RUBCNL: variants seen among roughly 807,000 people sequenced by gnomAD.
RUBCNL encodes rubicon like autophagy enhancer.
In RUBCNL, 62 loss-of-function variants were observed where a neutral mutation model predicts 69.5. The ratio of observed to expected loss-of-function variants is 0.89; its 90% CI spans 0.73 to 1.10. RUBCNL has a LOEUF of 1.10. Among genes scored for constraint, RUBCNL ranks in the 50% least tolerant of loss-of-function variants. The pLI is 0.00. For synonymous variants in RUBCNL, 291 were observed against 303.6 expected (o/e 0.96, Z 0.43); for missense variants, 768 against 798.1 (o/e 0.96, Z 0.45).
At chr13:46,379,630 A>G (rs533280798) in intron 1 of RUBCNL, among the ~76,000 whole-genome samples, 16 of 152,368 alleles carry the variant, frequency 1.1e-4, no homozygotes, top group Admixed American at 3.3e-4. Flanking sequence ...CTTCCTTAGA[A>G]TAAAGGATAC....
intron 3 of RUBCNL, among the ~76,000 whole-genome samples, chr13:46,369,308 G>A (rs2048829555): frequency 6.6e-6 from 1 of 152,104 alleles, no homozygotes; most frequent in Non-Finnish European, 1.5e-5. Context: ...TCAACCTCCT[G>A]GGCTCAAGCG....
intron 3 of RUBCNL, 116 bp downstream of exon 3, chr13:46,371,824 CA>C: frequency 9.4e-7 from 1 of 1,067,514 alleles, no homozygotes; most frequent in Non-Finnish European, 1.3e-6. Context: ...GGGCTGCTGA[CA>C]ATATTAGATG....
intron 10 of RUBCNL, chr13:46,354,863 G>A (rs979429973): frequency 1.8e-5 from 8 of 456,494 alleles, no homozygotes; most frequent in African/African-American, 6.0e-5. Flanking sequence ...ACCTGAACAA[G>A]CTTAGGGAAA....
At chr13:46,351,846 T>TTTTTTTA (rs2048375952) in intron 10 of RUBCNL, among the ~76,000 whole-genome samples, 1 of 150,730 alleles carries the variant, frequency 6.6e-6, no homozygotes, top group Non-Finnish European at 1.5e-5. Flanking sequence ...TTTTTTTTTT[T>TTTTTTTA]GAGAAGGAGT....
chr13:46,339,774 A>T lies in RUBCNL; in HGVS notation c.*3611T>A, dbSNP rs528654332. 6.6e-6 allele frequency among the ~76,000 whole-genome samples: 1 copy of T among 152,242 alleles called. No homozygotes were observed. The highest frequency in any genetic ancestry group is 2.4e-5 in the African/African-American group (1 of 41,540). On this transcript the variant is annotated 3_prime_UTR_variant, in exon 15 of 15. Transcript: ENST00000429979. Reference sequence around the variant, plus strand: ...CTCGGGAGGGTGAGACAGGAAAATCACTTGAACCCAGGTGGCGGAGGTTGA... The same window carrying T: ...CTCGGGAGGGTGAGACAGGAAAATCTCTTGAACCCAGGTGGCGGAGGTTGA...
At chr13:46,376,228 T>C (rs577432976) in intron 2 of RUBCNL, among the ~76,000 whole-genome samples, 3 of 152,232 alleles carry the variant, frequency 2.0e-5, no homozygotes, top group East Asian at 3.9e-4. Context: ...GGTGTTAGTG[T>C]CCCTAACCCC....
chr13:46,349,904 G>A (rs997731947), intron 11 of RUBCNL, among the ~76,000 whole-genome samples: 2 of 151,372 alleles, frequency 1.3e-5, no homozygotes, highest in Non-Finnish European at 2.9e-5. Context: ...GGCTAGTCTC[G>A]AACTCCTGAC....
At chr13:46,379,506 G>A (rs1338391686) in intron 1 of RUBCNL, among the ~76,000 whole-genome samples, 9 of 152,102 alleles carry the variant, frequency 5.9e-5, no homozygotes, top group Admixed American at 1.3e-4. Context: ...ATTATCAAAC[G>A]ATACCTAGAT....
chr13:46,339,877 A>G lies in RUBCNL; in HGVS notation c.*3508T>C, dbSNP rs1399743995. 2.2e-5 allele frequency among the ~76,000 whole-genome samples: 3 copies of G among 136,660 alleles called. No homozygotes were observed. Among genetic ancestry groups the G allele is most frequent in the African/African-American group, 7.4e-5 (3 of 40,314 alleles). The allele number at this position is 136,660 out of a possible 152,430, so 89.7% of individuals were successfully genotyped here. A position where few individuals can be genotyped will look rare whatever the true frequency, so the allele number is the denominator to read the frequency against. ...CCATTTCAAAAAAACAAAAACAAAA[A>G]CAAAACAAAACAAAAAAACCCCAGG... is the stretch of plus-strand genomic sequence containing the variant. On this transcript the variant is annotated 3_prime_UTR_variant, in exon 15 of 15. Coordinates refer to ENST00000429979, the MANE Select transcript of RUBCNL (RefSeq NM_025113.5).
At position 46,356,432 on chromosome 13, in the gene RUBCNL, T is replaced by G. The variant is rs373058780; in HGVS notation, c.1330A>C (p.Lys444Gln). The G allele has an allele frequency of 5.6e-5, 91 of 1,613,776 alleles. No homozygotes were observed. Among genetic ancestry groups the G allele is most frequent in the Non-Finnish European group, 7.6e-5 (90 of 1,179,842 alleles). The change falls in exon 10 of 15, where the codon AAG becomes CAG. Residue 444 changes from lysine to glutamine, a missense_variant and splice_region_variant. Lys to Gln is a moderately conservative substitution (Grantham distance 53, BLOSUM62 1). Coordinates refer to ENST00000429979, the MANE Select transcript of RUBCNL (RefSeq NM_025113.5). Reference sequence around the variant, plus strand: ...CAGGCGATCCATTATCCGTACTTACTAGGCTCTACTGGAGTTCCACAGCCG... The same window carrying G: ...CAGGCGATCCATTATCCGTACTTACGAGGCTCTACTGGAGTTCCACAGCCG... ...CAGCGTPVEP[K>Q]FVKRLRYCEY...
chr13:46,358,309 G>A (rs148228685), intron 9 of RUBCNL, among the ~76,000 whole-genome samples: 41 of 152,322 alleles, frequency 2.7e-4, no homozygotes, highest in Middle Eastern at 3.4e-3. Context: ...CCTTTGTAAT[G>A]CTTGGCAGTT....
Position 46,372,168 on chromosome 13 carries a change from G to T in RUBCNL, c.308C>A (p.Thr103Lys). The change falls in exon 3 of 15, where the codon ACG becomes AAG. Residue 103 changes from threonine to lysine, a missense_variant. Physicochemically the swap from Thr to Lys is moderately conservative, Grantham distance 78. Coordinates refer to ENST00000429979, the MANE Select transcript of RUBCNL (RefSeq NM_025113.5). ...GGAGTCTGTGGTATCCTCAGACAACGTTGTCTCTGCCAGGGAGTCCCCGAG... is the reference window on the plus strand; with the variant it reads ...GGAGTCTGTGGTATCCTCAGACAACTTTGTCTCTGCCAGGGAGTCCCCGAG... The part of the protein sequence containing the change: ...SCLGDSLAET[T>K]LSEDTTDSVG... The T allele has an allele frequency of 6.2e-7, 1 of 1,614,014 alleles. No individual in the cohort carries two copies. The highest frequency in any genetic ancestry group is 8.5e-7 in the Non-Finnish European group (1 of 1,179,894).
In RUBCNL at chr13:46,334,688, GA is replaced by G. The variant is rs59928384; in HGVS notation, c.*8696del. On this transcript the variant is annotated 3_prime_UTR_variant, in exon 15 of 15. Coordinates refer to ENST00000429979, the MANE Select transcript of RUBCNL (RefSeq NM_025113.5). ...GGCAGGGGAGCTTGGAGGCCAGGGG[GA>G]AAAAAAACACTGAATTTTATACACA... Among the ~76,000 whole-genome samples the G allele has an allele frequency of 0.093, 14,016 of 151,338 alleles. 868 individuals are homozygous for G. The highest frequency in any genetic ancestry group is 0.14 in the Non-Finnish European group (9,469 of 67,782).
In RUBCNL at chr13:46,344,834, G is replaced by A. The variant is rs371216849; in HGVS notation, c.1786-3C>T. ...ATAAAGCCCTTTCCTTGACACAGCTGTAAAAGAAGACATCAAAAAGTTACA... is the reference window on the plus strand; with the variant it reads ...ATAAAGCCCTTTCCTTGACACAGCTATAAAAGAAGACATCAAAAAGTTACA... On this transcript the variant is annotated splice_polypyrimidine_tract_variant and splice_region_variant and intron_variant, in intron 13 of 14. Transcript: ENST00000429979. The A allele has an allele frequency of 4.4e-6, 7 of 1,603,152 alleles. No individual in the cohort carries two copies. Among genetic ancestry groups the A allele is most frequent in the Non-Finnish European group, 6.0e-6 (7 of 1,172,766 alleles).
At position 46,356,471 on chromosome 13, in the gene RUBCNL, T is replaced by C; in HGVS notation, c.1291A>G (p.Asn431Asp). ...LKRDLVVAAQNFFCAGCGTPV... is the reference protein window; with the variant it reads ...LKRDLVVAAQDFFCAGCGTPV... ...GTTCCACAGCCGGCACAGAAAAAAT[T>C]CTGGGCTGCCACCACAAGGTCCCTC... is the stretch of plus-strand genomic sequence containing the variant. The change falls in exon 10 of 15, where the codon AAT becomes GAT. Residue 431 changes from asparagine (N) to aspartate (D), a missense_variant. Transcript: ENST00000429979. 6.2e-7 allele frequency: 1 copy of C among 1,613,922 alleles called. No homozygotes were observed. The highest frequency in any genetic ancestry group is 8.5e-7 in the Non-Finnish European group (1 of 1,179,878).
At chr13:46,381,854 G>A (rs1287952685) in intron 1 of RUBCNL, among the ~76,000 whole-genome samples, 1 of 152,188 alleles carries the variant, frequency 6.6e-6, no homozygotes, top group African/African-American at 2.4e-5. Flanking sequence ...GCTCAGGCTA[G>A]AGTGCAGTGG....
chr13:46,377,412 C>T (rs2049018641), intron 2 of RUBCNL, among the ~76,000 whole-genome samples: 1 of 152,148 alleles, frequency 6.6e-6, no homozygotes, highest in South Asian at 2.1e-4. Context: ...TACAGGTGGG[C>T]ACCACCACGC....
At chr13:46,367,657 TC>T (rs1462387133) in intron 5 of RUBCNL, among the ~76,000 whole-genome samples, 1 of 152,288 alleles carries the variant, frequency 6.6e-6, no homozygotes, top group African/African-American at 2.4e-5. Flanking sequence ...CAGTTTTACT[TC>T]CCGTGGTTTT....
chr13:46,365,618 G>T (rs1459312263), intron 5 of RUBCNL, among the ~76,000 whole-genome samples: 1 of 152,166 alleles, frequency 6.6e-6, no homozygotes, highest in African/African-American at 2.4e-5. Context: ...TGTGGTTACT[G>T]GGGGAACCCA....
Sources: allele counts gnomAD v4.1 joint callset (sites outside exome capture counted in the v4.1 genomes callset), GRCh38; gene constraint gnomAD v4.1.1; transcripts MANE v1.5; gene names NCBI Gene and HGNC (gene_info 2026-07-23, HGNC 2026-07-21).